Variants in CCDC6 observed in about 807,000 individuals in gnomAD.
CCDC6 encodes the protein coiled-coil domain containing 6.
Under a neutral mutation model 56.6 loss-of-function variants are expected in CCDC6, and 20 were observed. The observed-to-expected ratio is 0.35, with a 90% CI of 0.25 to 0.51. CCDC6 has a LOEUF of 0.51. CCDC6 is among the 20% of genes least tolerant of loss of function. CCDC6 has a pLI of 0.95. For missense variants in CCDC6, 367 were observed against 601.1 expected, an observed-to-expected ratio of 0.61 and a Z score of 4.07; for synonymous variants, 241 against 234.4, an observed-to-expected ratio of 1.03 and a Z score of -0.26.
chr10:59,860,053 G>C (rs1409046230), intron 1 of CCDC6, among the ~76,000 whole-genome samples: 1 of 152,030 alleles, frequency 6.6e-6, no homozygotes, highest in Admixed American at 6.5e-5. Flanking sequence ...CTGTACTCCA[G>C]TCTAGGCAAC....
At chr10:59,812,863 G>T in intron 4 of CCDC6, 68 bp from the exon 5 acceptor site, 1 of 1,189,086 alleles carries the variant, frequency 8.4e-7, no homozygotes, top group South Asian at 1.4e-5. Flanking sequence ...CAACATACTA[G>T]CTGGCAGGTT....
chr10:59,839,968 G>C (rs907944741), intron 2 of CCDC6, among the ~76,000 whole-genome samples: 2 of 152,164 alleles, frequency 1.3e-5, no homozygotes, highest in African/African-American at 2.4e-5. Flanking sequence ...TGGAATTACA[G>C]GCATGTGCCA....
At chr10:59,858,077 CAACACCAACCACTGTCCTGCA>C (rs1302605696) in intron 1 of CCDC6, among the ~76,000 whole-genome samples, 1 of 152,140 alleles carries the variant, frequency 6.6e-6, no homozygotes, top group East Asian at 1.9e-4. Flanking sequence ...ATGGGTTTAT[CAACACCAACCACTGTCCTGCA>C]GACATCTGTT....
chr10:59,862,877 G>A (rs990051562), intron 1 of CCDC6, among the ~76,000 whole-genome samples: 46 of 152,182 alleles, frequency 3.0e-4, no homozygotes, highest in African/African-American at 8.2e-4. Flanking sequence ...ATTCTACTAC[G>A]AGGTATATGC....
At chr10:59,793,152 G>T in intron 8 of CCDC6, 41 bp from the exon 9 acceptor site, 1 of 1,560,452 alleles carries the variant, frequency 6.4e-7, no homozygotes, top group Non-Finnish European at 8.8e-7. Context: ...CTAGGTACAG[G>T]TGGATCTCAT....
At chr10:59,890,668 T>C (rs1257764743) in intron 1 of CCDC6, among the ~76,000 whole-genome samples, 1 of 152,082 alleles carries the variant, frequency 6.6e-6, no homozygotes, top group East Asian at 1.9e-4. Context: ...TTGCCCCAGG[T>C]TCACACAGCA....
intron 8 of CCDC6, among the ~76,000 whole-genome samples, chr10:59,793,772 A>AG (rs1171411368): frequency 5.0e-4 from 18 of 35,958 alleles, no homozygotes; most frequent in African/African-American, 1.5e-3. Context: ...TGACAGAGTG[A>AG]GGAAAAAAAA....
Position 59,906,477 on chromosome 10 carries a change from GA to G in CCDC6, c.-54del. 7.1e-7 allele frequency: 1 copy of G among 1,411,688 alleles called. No individual in the cohort carries two copies. The highest frequency in any genetic ancestry group is 3.1e-5 in the Admixed American group (1 of 32,692). 87.4% of individuals were successfully genotyped at this position (1,411,688 alleles called of 1,614,324 possible). A position where few individuals can be genotyped will look rare whatever the true frequency, so the allele number is the denominator to read the frequency against. On this transcript the variant is annotated 5_prime_UTR_variant, in exon 1 of 9. Coordinates refer to ENST00000263102, the MANE Select transcript of CCDC6 (RefSeq NM_005436.5). ...GGAGCAGCAGGGAGGCGGCGGCGAC[GA>G]AGGCCGGGCTGCGAATGAGTGGGCG...
intron 1 of CCDC6, among the ~76,000 whole-genome samples, chr10:59,894,679 A>AGGGGT (rs2071449141): frequency 7.3e-6 from 1 of 136,784 alleles, no homozygotes; most frequent in African/African-American, 2.7e-5. Context: ...TGGGATGGGG[A>AGGGGT]GGGGTGGGGG....
chr10:59,842,955 G>A (rs531796277), intron 2 of CCDC6, among the ~76,000 whole-genome samples: 12 of 151,986 alleles, frequency 7.9e-5, no homozygotes, highest in South Asian at 4.2e-4. Context: ...GGGTTTCACC[G>A]TGTTAGCCAG....
At chr10:59,859,683 A>C (rs1052294146) in intron 1 of CCDC6, among the ~76,000 whole-genome samples, 1 of 152,246 alleles carries the variant, frequency 6.6e-6, no homozygotes, top group Admixed American at 6.5e-5. Flanking sequence ...AGGAAAATGA[A>C]AAGATTTAAT....
chr10:59,860,051 C>A (rs1248615649), intron 1 of CCDC6, among the ~76,000 whole-genome samples: 2 of 151,982 alleles, frequency 1.3e-5, no homozygotes. Context: ...CACTGTACTC[C>A]AGTCTAGGCA....
chr10:59,856,994 C>T (rs1589051416), intron 1 of CCDC6, among the ~76,000 whole-genome samples: 2 of 152,138 alleles, frequency 1.3e-5, no homozygotes, highest in East Asian at 3.9e-4. Flanking sequence ...TTTCCTGTTC[C>T]ATATTCAGGT....
chr10:59,812,035 CT>C (rs2132631334), intron 5 of CCDC6, among the ~76,000 whole-genome samples: 1 of 136,886 alleles, frequency 7.3e-6, no homozygotes, highest in African/African-American at 2.7e-5. Flanking sequence ...ACTGAATTAT[CT>C]GTTCAAAAAA....
intron 1 of CCDC6, among the ~76,000 whole-genome samples, chr10:59,901,921 T>C (rs1023754831): frequency 2.1e-5 from 3 of 142,416 alleles, no homozygotes; most frequent in Non-Finnish European, 4.6e-5. Context: ...AAGGTGACTA[T>C]GCATTTGTTT....
At chr10:59,842,779 A>C (rs1346135981) in intron 2 of CCDC6, among the ~76,000 whole-genome samples, 4 of 126,394 alleles carry the variant, frequency 3.2e-5, no homozygotes, top group Non-Finnish European at 6.4e-5. Context: ...TTTGAGACAG[A>C]GTTTTGCTCT....
At chr10:59,858,681 C>T (rs986807226) in intron 1 of CCDC6, among the ~76,000 whole-genome samples, 2 of 152,240 alleles carry the variant, frequency 1.3e-5, no homozygotes, top group Non-Finnish European at 2.9e-5. Context: ...TTTGCATACA[C>T]ACCTCATCAT....
chr10:59,836,873 T>C (rs951481078), intron 2 of CCDC6, among the ~76,000 whole-genome samples: 11 of 152,210 alleles, frequency 7.2e-5, no homozygotes, highest in African/African-American at 2.4e-4. Flanking sequence ...AAGAAAAATA[T>C]ATTAACAGAA....
intron 1 of CCDC6, among the ~76,000 whole-genome samples, chr10:59,856,487 G>A (rs535456194): frequency 3.3e-5 from 5 of 152,046 alleles, no homozygotes; most frequent in African/African-American, 7.2e-5. Context: ...CATATTACAC[G>A]CAGTATCATC....
Sources: gnomAD v4.1 joint callset for allele counts (sites outside exome capture counted in the v4.1 genomes callset) on GRCh38, gnomAD v4.1.1 for gene constraint, MANE v1.5 for transcripts, NCBI Gene and HGNC (gene_info 2026-07-23, HGNC 2026-07-21) for gene names.